The following TMEM108 variants were observed in gnomAD, a reference collection of about 807,000 sequenced individuals.
TMEM108 encodes cancer/testis antigen 124.
TMEM108 carries 12 observed loss-of-function variants against 35.1 expected under a neutral mutation model. The observed-to-expected ratio is 0.34, with a 90% confidence interval of 0.22 to 0.55. The LOEUF (loss-of-function observed/expected upper bound fraction) is 0.55. TMEM108 is among the 20% of genes least tolerant of loss of function. The pLI, the probability that TMEM108 is intolerant of heterozygous loss-of-function variation, is 0.89. For missense variants in TMEM108, 680 were observed against 753.3 expected (o/e 0.90, Z 1.14); for synonymous variants, 287 against 308.6 (o/e 0.93, Z 0.73).
chr3:133,390,201 G>A lies in TMEM108; in HGVS notation c.1472G>A (p.Cys491Tyr). Residue 491 changes from cysteine to tyrosine, a missense_variant, in exon 5 of 6, where the codon TGC (cysteine) becomes TAC (tyrosine). Cys to Tyr is a radical substitution (Grantham distance 194). Coordinates refer to ENST00000321871, the MANE Select transcript of TMEM108 (RefSeq NM_023943.4). ...SSCSVLLTVC[C>Y]MKRKKKTANP... ...ATAGCTGTCCTGCTGACGGTGTGCT[G>A]CATGAAGAGGAAGAAGAAGACCGCC... The A allele has an allele frequency of 1.2e-6, 2 of 1,614,142 alleles. No homozygotes were observed. The highest frequency in any genetic ancestry group is 1.7e-6 in the Non-Finnish European group (2 of 1,180,034).
At chr3:133,042,830 C>G (rs1943291074) in intron 1 of TMEM108, among the ~76,000 whole-genome samples, 1 of 152,204 alleles carries the variant, frequency 6.6e-6, no homozygotes, top group African/African-American at 2.4e-5. Context: ...ATATAGTTTT[C>G]CCTTCTCCAA....
At position 133,046,007 on chromosome 3, in the gene TMEM108, C is replaced by A. The variant is rs963482890; in HGVS notation, c.-60C>A. 6.6e-6 allele frequency: 1 copy of A among 152,640 alleles called. No homozygotes were observed. Among genetic ancestry groups the A allele is most frequent in the Non-Finnish European group, 1.5e-5 (1 of 68,052 alleles). The allele number at this position is 152,640 out of a possible 1,614,324, so 9.5% of individuals were successfully genotyped here. On this transcript the variant is annotated 5_prime_UTR_variant, in exon 2 of 6. Coordinates refer to ENST00000321871, the MANE Select transcript of TMEM108 (RefSeq NM_023943.4). ...GTAAGTGCGTTTGAAGGCTTCCACA[C>A]CCTCTACTCCAGGGTAAGGCAAAGG...
chr3:133,362,743 C>T (rs1357244860), intron 3 of TMEM108, among the ~76,000 whole-genome samples: 2 of 152,190 alleles, frequency 1.3e-5, no homozygotes, highest in African/African-American at 4.8e-5. Context: ...CAAGCTGGCT[C>T]CTGAGCTCTT....
In TMEM108 at chr3:133,111,246, G is replaced by A. The variant is rs530512294; in HGVS notation, c.-47+65226G>A. Among the ~76,000 whole-genome samples the A allele has an allele frequency of 9.9e-5, 15 of 152,218 alleles. No homozygotes were observed. The South Asian group carries it at 2.3e-3, about 23-fold the overall frequency. On this transcript the variant is annotated intron_variant, in intron 2 of 5. Transcript: ENST00000321871. ...ATCTTGAAAAAACAGTCTTAGGTGG[G>A]GAGGATTCTCATTTTTATCTATGAG... is the stretch of plus-strand genomic sequence containing the variant.
At chr3:133,070,677 C>T (rs1299901811) in intron 2 of TMEM108, among the ~76,000 whole-genome samples, 1 of 151,946 alleles carries the variant, frequency 6.6e-6, no homozygotes, top group Non-Finnish European at 1.5e-5. Flanking sequence ...TGGTAGGCGA[C>T]CCACAGAAAA....
intron 3 of TMEM108, among the ~76,000 whole-genome samples, chr3:133,242,540 G>T (rs1946328395): frequency 6.6e-6 from 1 of 152,210 alleles, no homozygotes; most frequent in Non-Finnish European, 1.5e-5. Flanking sequence ...GGTGTGTGGG[G>T]ACTGAGTGCT....
intron 2 of TMEM108, among the ~76,000 whole-genome samples, chr3:133,128,306 G>A (rs1944443665): frequency 1.3e-5 from 2 of 152,186 alleles, no homozygotes; most frequent in African/African-American, 4.8e-5. Context: ...GGAGAATGAT[G>A]ACCTTAGAAT....
chr3:133,078,351 A>G (rs1472805829), intron 2 of TMEM108, among the ~76,000 whole-genome samples: 1 of 152,070 alleles, frequency 6.6e-6, no homozygotes. Flanking sequence ...ATTCTTAAGT[A>G]TTAGAAGACA....
chr3:133,390,492 C>T (rs765034766), intron 5 of TMEM108, among the ~76,000 whole-genome samples, 158 bp downstream of exon 5: 22 of 152,312 alleles, frequency 1.4e-4, no homozygotes, highest in Admixed American at 5.2e-4. Context: ...TACCCTGGTC[C>T]TACTGAGCCA....
intron 2 of TMEM108, among the ~76,000 whole-genome samples, chr3:133,163,534 G>A (rs1944991736): frequency 1.3e-5 from 2 of 152,204 alleles, no homozygotes; most frequent in African/African-American, 4.8e-5. Flanking sequence ...AGGGGTAGAG[G>A]AAGGAGAGAT....
rs552105109 is a variant in TMEM108, at chr3:133,242,340, G to T, written c.40+12989G>T. ...TAGCATAGTGCCGAGTTCAGAAAAG[G>T]TGCTCAGTAAGTGGAGGGTACAGGC... On this transcript the variant is annotated intron_variant, in intron 3 of 5. Transcript: ENST00000321871. Among the ~76,000 whole-genome samples the T allele has an allele frequency of 5.3e-5, 8 of 152,334 alleles. No homozygotes were observed. The South Asian group carries it at 1.4e-3, about 28-fold the overall frequency.
chr3:133,145,587 C>T (rs925402442), intron 2 of TMEM108, among the ~76,000 whole-genome samples: 3 of 152,166 alleles, frequency 2.0e-5, no homozygotes, highest in African/African-American at 7.2e-5. Flanking sequence ...TTGATTCTTC[C>T]TAACCATGAG....
chr3:133,080,531 C>G (rs1943796457), intron 2 of TMEM108, among the ~76,000 whole-genome samples: 1 of 152,240 alleles, frequency 6.6e-6, no homozygotes, highest in Non-Finnish European at 1.5e-5. Context: ...CAAACACTTT[C>G]TCCCCTGGAA....
intron 3 of TMEM108, among the ~76,000 whole-genome samples, chr3:133,278,671 G>A (rs1946870085): frequency 6.6e-6 from 1 of 152,182 alleles, no homozygotes; most frequent in South Asian, 2.1e-4. Flanking sequence ...AAGGTACGAT[G>A]AAAATCCAAT....
intron 2 of TMEM108, among the ~76,000 whole-genome samples, chr3:133,113,565 T>TA (rs1232586095): frequency 6.6e-6 from 1 of 152,146 alleles, no homozygotes; most frequent in African/African-American, 2.4e-5. Context: ...CATAAACATG[T>TA]AAAGTCCTCC....
chr3:133,122,013 T>C (rs1944358887), intron 2 of TMEM108, among the ~76,000 whole-genome samples: 1 of 152,182 alleles, frequency 6.6e-6, no homozygotes, highest in South Asian at 2.1e-4. Context: ...AATCAGCCCC[T>C]GAAAAGACAC....
At chr3:133,265,201 C>T (rs1946680661) in intron 3 of TMEM108, among the ~76,000 whole-genome samples, 1 of 152,194 alleles carries the variant, frequency 6.6e-6, no homozygotes, top group African/African-American at 2.4e-5. Context: ...CAGACGTAGG[C>T]AAGACAGGAT....
At chr3:133,310,390 A>G (rs1483183148) in intron 3 of TMEM108, among the ~76,000 whole-genome samples, 1 of 152,136 alleles carries the variant, frequency 6.6e-6, no homozygotes, top group Non-Finnish European at 1.5e-5. Flanking sequence ...GTGCTCCTGT[A>G]TTGGGTGCAT....
chr3:133,133,222 G>A (rs1944514844), intron 2 of TMEM108, among the ~76,000 whole-genome samples: 1 of 152,170 alleles, frequency 6.6e-6, no homozygotes, highest in Non-Finnish European at 1.5e-5. Context: ...TGGGTAAAAT[G>A]TGGCAAACTT....
Sources: allele counts gnomAD v4.1 joint callset (sites outside exome capture counted in the v4.1 genomes callset), GRCh38; gene constraint gnomAD v4.1.1; transcripts MANE v1.5; gene names NCBI Gene and HGNC (gene_info 2026-07-23, HGNC 2026-07-21).